MAPK9: variants seen among roughly 807,000 people sequenced by gnomAD.
MAPK9 encodes the protein Jun kinase.
A neutral mutation model predicts 57.1 loss-of-function variants in MAPK9; 30 were observed. The ratio of observed to expected loss-of-function variants is 0.53; its 90% CI spans 0.39 to 0.71. The LOEUF (loss-of-function observed/expected upper bound fraction) is 0.71. MAPK9 is among the 30% of genes least tolerant of loss of function. MAPK9 has a pLI of 0.00. For missense variants in MAPK9, 362 were observed against 521.0 expected (o/e 0.69, Z 2.97); for synonymous variants, 155 against 177.0 (o/e 0.88, Z 0.99).
rs747083644 is a variant in MAPK9 at position 180,236,526 on chromosome 5, T to C, written c.1133A>G (p.Asp378Gly). ...KNGVVKDQPS[D>G]AAVSSNATPS... Reference sequence around the variant, plus strand: ...AGTGGCGTTGCTACTTACTGCTGCATCTGTGCTAAGAAAACCAAATATAAT... The same window carrying C: ...AGTGGCGTTGCTACTTACTGCTGCACCTGTGCTAAGAAAACCAAATATAAT... The change falls in exon 12 of 12, where the codon GAT becomes GGT. Residue 378 changes from aspartate (D) to glycine (G), a missense_variant and splice_region_variant. Physicochemically the swap from Asp to Gly is moderately conservative, Grantham distance 94. Coordinates refer to ENST00000452135, the MANE Select transcript of MAPK9 (RefSeq NM_002752.5). 13 of 1,613,620 alleles carry C rather than the reference T, an allele frequency of 8.1e-6. No homozygotes were observed. Among genetic ancestry groups the C allele is most frequent in the Middle Eastern group, 1.6e-4 (1 of 6,082 alleles).
Position 180,257,260 on chromosome 5 carries a change from T to C in MAPK9, c.450+4424A>G, listed in dbSNP as rs528970700. Reference sequence around the variant, plus strand: ...GTGGGCTCTACCCCCAAGGGAGGCCTTCAATGGCTGTGATGGAACCAATCT... The same window carrying C: ...GTGGGCTCTACCCCCAAGGGAGGCCCTCAATGGCTGTGATGGAACCAATCT... On this transcript the variant is annotated intron_variant, in intron 5 of 11. Coordinates refer to ENST00000452135, the MANE Select transcript of MAPK9 (RefSeq NM_002752.5). Among the ~76,000 whole-genome samples the C allele has an allele frequency of 5.3e-5, 8 of 152,300 alleles. No individual in the cohort carries two copies. In the South Asian group the frequency reaches 1.7e-3, roughly 32 times the overall value.
At chr5:180,287,877 A>G (rs1327188309) in intron 1 of MAPK9, among the ~76,000 whole-genome samples, 1 of 152,086 alleles carries the variant, frequency 6.6e-6, no homozygotes, top group Non-Finnish European at 1.5e-5. Flanking sequence ...TTATTTCTCA[A>G]TCCTCTACTG....
rs1419477856 is a variant in MAPK9 at position 180,233,343 on chromosome 5, G to A, written c.*3041C>T. The A allele has an allele frequency of 6.6e-6, 1 of 152,192 alleles. No homozygotes were observed. The highest frequency in any genetic ancestry group is 1.5e-5 in the Non-Finnish European group (1 of 68,040). The allele number at this position is 152,192 out of a possible 1,614,324, so 9.4% of individuals were successfully genotyped here. A position where few individuals can be genotyped will look rare whatever the true frequency, so the allele number is the denominator to read the frequency against. On this transcript the variant is annotated 3_prime_UTR_variant, in exon 12 of 12. Transcript: ENST00000452135. ...TACACCAATACTCTGAATTGGACCTGCATATTGGTGAAGTCAAAACTTACT... is the reference window on the plus strand; with the variant it reads ...TACACCAATACTCTGAATTGGACCTACATATTGGTGAAGTCAAAACTTACT...
At chr5:180,267,727 T>C (rs1197223318) in intron 3 of MAPK9, among the ~76,000 whole-genome samples, 1 of 152,038 alleles carries the variant, frequency 6.6e-6, no homozygotes, top group Non-Finnish European at 1.5e-5. Context: ...CTGCCAAGCA[T>C]GGTGGCGCAC....
At chr5:180,244,610 C>A (rs545595169) in intron 7 of MAPK9, among the ~76,000 whole-genome samples, 1 of 151,968 alleles carries the variant, frequency 6.6e-6, no homozygotes, top group Non-Finnish European at 1.5e-5. Flanking sequence ...CCTGGCCCTA[C>A]TAAAAATACA....
chr5:180,277,111 T>A (rs1761891045), intron 2 of MAPK9, among the ~76,000 whole-genome samples: 1 of 152,262 alleles, frequency 6.6e-6, no homozygotes. Context: ...ACTAGTTGCA[T>A]AAACCATACA....
In MAPK9 at chr5:180,249,031, C is replaced by A; in HGVS notation, c.558G>T (p.Val186=). 6.2e-7 allele frequency: 1 copy of A among 1,613,560 alleles called. No individual in the cohort carries two copies. Among genetic ancestry groups the A allele is most frequent in the Non-Finnish European group, 8.5e-7 (1 of 1,179,720 alleles). ...ACTNFMMTPY[V]VTRYYRAPEV... ...CGGGCGCCCGGTAGTACCGTGTCAC[C>A]ACGTAAGGGGTCATCATGAAGTTAG... The change falls in exon 6 of 12, where the codon GTG becomes GTT. Residue 186 remains valine (V), a synonymous_variant. Transcript: ENST00000452135.
intron 1 of MAPK9, among the ~76,000 whole-genome samples, chr5:180,287,552 C>G (rs1288932893): frequency 1.3e-5 from 2 of 152,310 alleles, no homozygotes; most frequent in East Asian, 3.9e-4. Context: ...AGTCCTCTGG[C>G]CCAATCTTAG....
intron 2 of MAPK9, among the ~76,000 whole-genome samples, chr5:180,272,309 T>C (rs1480839283): frequency 6.6e-6 from 1 of 152,244 alleles, no homozygotes; most frequent in Non-Finnish European, 1.5e-5. Flanking sequence ...ATAAGTTTTC[T>C]GAGTTTAAAA....
At chr5:180,246,491 C>T (rs1758114646) in intron 7 of MAPK9, 1 of 152,166 alleles carries the variant, frequency 6.6e-6, no homozygotes, top group Non-Finnish European at 1.5e-5. Context: ...TCCTAAGATA[C>T]ATACAAAACA....
At position 180,264,802 on chromosome 5, in the gene MAPK9, G is replaced by A; in HGVS notation, c.290C>T (p.Thr97Ile). The change falls in exon 4 of 12, where the codon ACT becomes ATT. Residue 97 changes from threonine to isoleucine, a missense_variant. Thr to Ile is a moderately conservative substitution (Grantham distance 89). This residue lies in a region of MAPK9 where 127 missense variants were observed against 231.7 expected (regional missense o/e 0.55). Coordinates refer to ENST00000452135, the MANE Select transcript of MAPK9 (RefSeq NM_002752.5). ...TTACACATCTTGAAATTCTTCTAGA[G>A]TTTTTTGTGGTGTAAACACATTTAA... ...SLLNVFTPQK[T>I]LEEFQDVYLV... is the part of the protein sequence containing the mutation. 1 of 1,567,428 alleles carries A rather than the reference G, an allele frequency of 6.4e-7. No individual in the cohort carries two copies. Among genetic ancestry groups the A allele is most frequent in the Non-Finnish European group, 8.7e-7 (1 of 1,154,358 alleles).
At chr5:180,279,107 G>C (rs1211640079) in intron 2 of MAPK9, among the ~76,000 whole-genome samples, 1 of 152,030 alleles carries the variant, frequency 6.6e-6, no homozygotes, top group African/African-American at 2.4e-5. Flanking sequence ...ACGGGTGTGT[G>C]CCACCACACC....
Position 180,247,720 on chromosome 5 carries a change from A to G in MAPK9, c.617-210T>C. 9.4e-7 allele frequency: 1 copy of G among 1,060,094 alleles called. No individual in the cohort carries two copies. The highest frequency in any genetic ancestry group is 1.3e-5 in the South Asian group (1 of 74,830). 65.7% of individuals were successfully genotyped at this position (1,060,094 alleles called of 1,614,324 possible). A position where few individuals can be genotyped will look rare whatever the true frequency, so the allele number is the denominator to read the frequency against. On this transcript the variant is annotated intron_variant, in intron 6 of 11. Transcript: ENST00000452135. The surrounding 1 kb of genome is among the most constrained non-coding windows in gnomAD (Gnocchi z 4.5). ...GGGTTTTAGTGCCAAAGAGTCCAAT[A>G]CTTTATAGCTTAAAACAAACAAACA...
intron 2 of MAPK9, among the ~76,000 whole-genome samples, chr5:180,273,801 T>C (rs1311710576): frequency 1.3e-5 from 2 of 152,216 alleles, no homozygotes; most frequent in East Asian, 3.9e-4. Flanking sequence ...CACACATGCA[T>C]GACTCTGTTT....
At chr5:180,271,772 G>A (rs1371307365) in intron 2 of MAPK9, among the ~76,000 whole-genome samples, 1 of 152,172 alleles carries the variant, frequency 6.6e-6, no homozygotes, top group Non-Finnish European at 1.5e-5. Context: ...ATAAGAGGGT[G>A]AGACTATTTC....
chr5:180,279,988 G>C (rs1434560022), intron 2 of MAPK9: 1 of 456,766 alleles, frequency 2.2e-6, no homozygotes. Flanking sequence ...CAATGACACT[G>C]ACTGGCCTCA....
chr5:180,259,240 C>T (rs1300868767), intron 5 of MAPK9, among the ~76,000 whole-genome samples: 1 of 151,718 alleles, frequency 6.6e-6, no homozygotes, highest in Non-Finnish European at 1.5e-5. Context: ...TTTAGACATT[C>T]CAGTTCTCTA....
At chr5:180,248,524 A>G (rs1363156896) in intron 6 of MAPK9, among the ~76,000 whole-genome samples, 1 of 152,208 alleles carries the variant, frequency 6.6e-6, no homozygotes, top group Non-Finnish European at 1.5e-5. Flanking sequence ...TTTTACATGA[A>G]AACATGTGTT....
At chr5:180,267,213 G>C (rs572587491) in intron 3 of MAPK9, among the ~76,000 whole-genome samples, 1 of 152,146 alleles carries the variant, frequency 6.6e-6, no homozygotes, top group African/African-American at 2.4e-5. Context: ...TATATTGTTT[G>C]AATTTTTAAA....
Sources: gnomAD v4.1 joint callset for allele counts (sites outside exome capture counted in the v4.1 genomes callset) on GRCh38, gnomAD v4.1.1 for gene constraint, gnomAD v4.1.1 regional missense constraint, Gnocchi (gnomAD v3.1) non-coding constraint, MANE v1.5 for transcripts, NCBI Gene and HGNC (gene_info 2026-07-23, HGNC 2026-07-21) for gene names.